Variants in ANKMY2 observed in about 807,000 individuals in gnomAD.
The protein encoded by ANKMY2 is ankyrin repeat and MYND domain-containing protein 2.
In ANKMY2, 36 loss-of-function variants were observed where a neutral mutation model predicts 50.4. The observed-to-expected ratio is 0.71, with a 90% CI of 0.55 to 0.94. The LOEUF is 0.94. Among genes scored for constraint, ANKMY2 ranks in the 40% least tolerant of loss-of-function variants. ANKMY2 has a pLI of 0.00. For synonymous variants in ANKMY2, 187 were observed against 178.8 expected (o/e 1.05, Z -0.36); for missense variants, 565 against 524.0 (o/e 1.08, Z -0.76).
Position 16,600,648 on chromosome 7 carries a change from G to A in ANKMY2, c.*113C>T. On this transcript the variant is annotated 3_prime_UTR_variant, in exon 10 of 10. Coordinates refer to ENST00000306999, the MANE Select transcript of ANKMY2 (RefSeq NM_020319.3). Reference sequence around the variant, plus strand: ...TGAAAACCTGTATTCTATGAAATGTGGAATCCTGCCATGGTGCCACGCAGG... The same window carrying A: ...TGAAAACCTGTATTCTATGAAATGTAGAATCCTGCCATGGTGCCACGCAGG... 3.4e-6 allele frequency: 3 copies of A among 877,440 alleles called. No homozygotes were observed. Among genetic ancestry groups the A allele is most frequent in the Non-Finnish European group, 4.8e-6 (3 of 622,746 alleles). 54.4% of individuals were successfully genotyped at this position (877,440 alleles called of 1,614,324 possible). A position where few individuals can be genotyped will look rare whatever the true frequency, so the allele number is the denominator to read the frequency against.
intron 6 of ANKMY2, 37 bp from the exon 7 acceptor site, chr7:16,609,802 T>TCA (rs1465601888): frequency 1.2e-6 from 2 of 1,602,330 alleles, no homozygotes; most frequent in Admixed American, 3.5e-5. Flanking sequence ...TGGAGTTGAA[T>TCA]CACTAAGCAT....
intron 5 of ANKMY2, 53 bp from the exon 6 acceptor site, chr7:16,610,816 C>T: frequency 6.8e-7 from 1 of 1,473,010 alleles, no homozygotes; most frequent in Non-Finnish European, 9.3e-7. Flanking sequence ...TGTTCATGTA[C>T]AAATTAGGTA....
intron 5 of ANKMY2, among the ~76,000 whole-genome samples, chr7:16,612,738 A>G (rs1206489167): frequency 6.6e-6 from 1 of 152,236 alleles, no homozygotes; most frequent in Non-Finnish European, 1.5e-5. Context: ...CCACATCATT[A>G]ACATGCGCTT....
At chr7:16,620,928 G>A (rs761576253) in intron 4 of ANKMY2, among the ~76,000 whole-genome samples, 1 of 152,092 alleles carries the variant, frequency 6.6e-6, no homozygotes, top group Non-Finnish European at 1.5e-5. Flanking sequence ...ACAAGAAAAA[G>A]AGTGACATTA....
chr7:16,613,121 A>T (rs1173457259), intron 5 of ANKMY2, among the ~76,000 whole-genome samples: 1 of 151,986 alleles, frequency 6.6e-6, no homozygotes, highest in Admixed American at 6.6e-5. Flanking sequence ...TTTTTCTGTG[A>T]TTTTGTTTTT....
intron 2 of ANKMY2, among the ~76,000 whole-genome samples, chr7:16,631,602 T>C (rs892375073): frequency 6.6e-6 from 1 of 151,958 alleles, no homozygotes; most frequent in Admixed American, 6.6e-5. Flanking sequence ...AATTATTGAT[T>C]ATTCCAGTTT....
In ANKMY2 at chr7:16,637,582, C is replaced by G. The variant is rs919342951; in HGVS notation, c.68-1127G>C. 3.9e-5 allele frequency among the ~76,000 whole-genome samples: 6 copies of G among 152,134 alleles called. No homozygotes were observed. In the South Asian group the frequency reaches 1.2e-3, roughly 32 times the overall value. On this transcript the variant is annotated intron_variant, in intron 1 of 9. Transcript: ENST00000306999. ...TAATGCATTTTTCTGACCCTGTATTCCATCTGAAAGCAGTTAGTATCACTG... is the reference window on the plus strand; with the variant it reads ...TAATGCATTTTTCTGACCCTGTATTGCATCTGAAAGCAGTTAGTATCACTG...
At chr7:16,632,259 T>C (rs998538825) in intron 2 of ANKMY2, among the ~76,000 whole-genome samples, 1 of 152,178 alleles carries the variant, frequency 6.6e-6, no homozygotes, top group Non-Finnish European at 1.5e-5. Flanking sequence ...ACAATTCATA[T>C]AGCATACAAT....
chr7:16,611,125 T>C (rs1289791424), intron 5 of ANKMY2, among the ~76,000 whole-genome samples: 3 of 152,238 alleles, frequency 2.0e-5, no homozygotes, highest in Non-Finnish European at 2.9e-5. Context: ...AATCAAATCA[T>C]TGAGCAATAA....
At chr7:16,608,086 A>G (rs1781189520) in intron 7 of ANKMY2, among the ~76,000 whole-genome samples, 2 of 152,216 alleles carry the variant, frequency 1.3e-5, no homozygotes, top group African/African-American at 4.8e-5. Context: ...TACACAGCTA[A>G]GGAATATTGG....
At chr7:16,610,399 T>A in intron 6 of ANKMY2, 150 bp downstream of exon 6, 1 of 639,452 alleles carries the variant, frequency 1.6e-6, no homozygotes, top group Non-Finnish European at 2.7e-6. Context: ...AAGTATAATA[T>A]TATTCTCTGT....
chr7:16,609,795 A>T, intron 6 of ANKMY2, 30 bp from the exon 7 acceptor site: 1 of 1,604,960 alleles, frequency 6.2e-7, no homozygotes, highest in Middle Eastern at 1.7e-4. Flanking sequence ...GCGTAATTGG[A>T]GTTGAATCAC....
At chr7:16,627,011 A>G (rs759515865) in intron 3 of ANKMY2, 29 bp downstream of exon 3, 1 of 1,550,808 alleles carries the variant, frequency 6.4e-7, no homozygotes, top group South Asian at 1.2e-5. Flanking sequence ...TGTATAGGTA[A>G]CTTATATTTA....
At chr7:16,641,444 G>A (rs1326728949) in intron 1 of ANKMY2, among the ~76,000 whole-genome samples, 1 of 152,168 alleles carries the variant, frequency 6.6e-6, no homozygotes, top group Admixed American at 6.5e-5. Context: ...TGAAGACAAT[G>A]AAGCCCATAT....
At chr7:16,609,805 CT>C (rs1183584879) in intron 6 of ANKMY2, 40 bp from the exon 7 acceptor site, 3 of 1,600,242 alleles carry the variant, frequency 1.9e-6, no homozygotes, top group Non-Finnish European at 2.6e-6. Context: ...AGTTGAATCA[CT>C]AAGCATTCTC....
intron 6 of ANKMY2, 142 bp downstream of exon 6, chr7:16,610,407 T>C: frequency 6.2e-6 from 4 of 649,748 alleles, no homozygotes; most frequent in Non-Finnish European, 1.1e-5. Flanking sequence ...TATTATTCTC[T>C]GTTTGTCAAA....
At chr7:16,601,093 GA>G (rs1355095609) in intron 9 of ANKMY2, 148 bp from the exon 10 acceptor site, 1 of 590,966 alleles carries the variant, frequency 1.7e-6, no homozygotes, top group African/African-American at 1.9e-5. Flanking sequence ...TTACAAATGA[GA>G]AAACTGAGAA....
At chr7:16,615,480 G>T (rs910371421) in intron 5 of ANKMY2, among the ~76,000 whole-genome samples, 7 of 152,114 alleles carry the variant, frequency 4.6e-5, no homozygotes, top group Admixed American at 3.3e-4. Flanking sequence ...AGCTCCCGGT[G>T]GGATGAGGTG....
At chr7:16,632,895 T>G (rs535178028) in intron 2 of ANKMY2, among the ~76,000 whole-genome samples, 1 of 152,240 alleles carries the variant, frequency 6.6e-6, no homozygotes, top group African/African-American at 2.4e-5. Context: ...CCAATTTCTT[T>G]ACATCCTTGC....
Sources: allele counts gnomAD v4.1 joint callset (sites outside exome capture counted in the v4.1 genomes callset), GRCh38; gene constraint gnomAD v4.1.1; transcripts MANE v1.5; gene names NCBI Gene and HGNC (gene_info 2026-07-23, HGNC 2026-07-21).